Variants in GMDS observed in about 807,000 individuals in gnomAD.
The protein encoded by GMDS is GDP-mannose 4,6-dehydratase, also known as GDP-mannose 4,6 dehydratase.
Under a neutral mutation model 49.9 loss-of-function variants are expected in GMDS, and 20 were observed. The ratio of observed to expected loss-of-function variants is 0.40; its 90% CI spans 0.28 to 0.58. The LOEUF (loss-of-function observed/expected upper bound fraction) is 0.58, where lower values mean the gene tolerates loss of function less well. GMDS is among the 20% of genes least tolerant of loss of function. The probability of loss-of-function intolerance (pLI) is 0.42; values close to 1 mark genes in which losing one functional copy is unlikely to be tolerated. For missense variants in GMDS, 362 were observed against 481.4 expected (o/e 0.75, Z 2.32); for synonymous variants, 177 against 178.6 (o/e 0.99, Z 0.07).
At chr6:1,713,375 TG>T (rs1460529493) in intron 9 of GMDS, among the ~76,000 whole-genome samples, 1 of 152,248 alleles carries the variant, frequency 6.6e-6, no homozygotes, top group Non-Finnish European at 1.5e-5. Flanking sequence ...GCACAGGCCC[TG>T]GCTGCTCCTG....
intron 1 of GMDS, among the ~76,000 whole-genome samples, chr6:2,229,549 G>A (rs985008170): frequency 1.6e-4 from 24 of 152,072 alleles, no homozygotes; most frequent in Non-Finnish European, 1.3e-4. Context: ...TCACGCCACT[G>A]TACTCCAGCC....
intron 4 of GMDS, among the ~76,000 whole-genome samples, chr6:2,048,553 A>G (rs938549352): frequency 1.3e-5 from 2 of 152,206 alleles, no homozygotes; most frequent in African/African-American, 2.4e-5. Flanking sequence ...TTTGTAATCA[A>G]CTTATCAATT....
chr6:2,178,016 T>A (rs925697967), intron 1 of GMDS, among the ~76,000 whole-genome samples: 3 of 152,204 alleles, frequency 2.0e-5, no homozygotes, highest in Admixed American at 6.5e-5. Context: ...GCCATTATCC[T>A]AAGCAAACTA....
chr6:2,192,368 G>A lies in GMDS; in HGVS notation c.102+52953C>T, dbSNP rs114891249. The stretch of plus-strand genomic sequence containing the variant: ...CCTTGCTCACCCTCCACTTGTCTGC[G>A]TACCTCAGTCTTCCTGGTCACAAGA... On this transcript the variant is annotated intron_variant, in intron 1 of 10. Transcript: ENST00000380815. Among the ~76,000 whole-genome samples, 1,112 of 152,056 alleles carry A rather than the reference G, an allele frequency of 7.3e-3. 14 individuals carry two copies. Among genetic ancestry groups the A allele is most frequent in the African/African-American group, 0.023 (965 of 41,530 alleles).
At chr6:1,915,720 C>CCT in intron 7 of GMDS, among the ~76,000 whole-genome samples, 1 of 152,142 alleles carries the variant, frequency 6.6e-6, no homozygotes, top group Non-Finnish European at 1.5e-5. Flanking sequence ...ACTCAGCAAG[C>CCT]CTCTCTCTCT....
chr6:1,750,167 A>T (rs1767663837), intron 7 of GMDS, among the ~76,000 whole-genome samples: 1 of 152,184 alleles, frequency 6.6e-6, no homozygotes. Flanking sequence ...GTCCAATTTC[A>T]TTGTTATAAT....
intron 1 of GMDS, among the ~76,000 whole-genome samples, chr6:2,203,149 A>G (rs1779627321): frequency 6.6e-6 from 1 of 152,206 alleles, no homozygotes; most frequent in African/African-American, 2.4e-5. Flanking sequence ...TGTCCAATTA[A>G]TAAAAGGCCG....
chr6:2,111,600 G>A (rs769183624), intron 4 of GMDS, among the ~76,000 whole-genome samples: 3 of 152,078 alleles, frequency 2.0e-5, no homozygotes, highest in Non-Finnish European at 2.9e-5. Flanking sequence ...AAGTGAGAGC[G>A]GTAGGAGACT....
At chr6:1,862,907 C>T (rs1335467005) in intron 7 of GMDS, among the ~76,000 whole-genome samples, 1 of 152,098 alleles carries the variant, frequency 6.6e-6, no homozygotes, top group Non-Finnish European at 1.5e-5. Flanking sequence ...ATAAAACATA[C>T]AACTTATACA....
chr6:1,793,513 A>C (rs1243225298), intron 7 of GMDS, among the ~76,000 whole-genome samples: 2 of 152,170 alleles, frequency 1.3e-5, no homozygotes, highest in African/African-American at 4.8e-5. Context: ...GGACTTGATG[A>C]GTCTGCTTTT....
intron 7 of GMDS, among the ~76,000 whole-genome samples, chr6:1,915,515 A>AGG (rs1761335161): frequency 6.6e-6 from 1 of 152,260 alleles, no homozygotes; most frequent in Non-Finnish European, 1.5e-5. Context: ...GCCCTGCCCA[A>AGG]GGCCGAGAAT....
chr6:1,671,608 G>A (rs1438171813), intron 9 of GMDS, among the ~76,000 whole-genome samples: 6 of 151,512 alleles, frequency 4.0e-5, no homozygotes, highest in African/African-American at 1.5e-4. Flanking sequence ...CCCTAAGTAT[G>A]TATAAGATAT....
At chr6:1,995,157 C>T (rs549027564) in intron 4 of GMDS, among the ~76,000 whole-genome samples, 1 of 152,256 alleles carries the variant, frequency 6.6e-6, no homozygotes, top group African/African-American at 2.4e-5. Context: ...AACTGAGGGG[C>T]CACCATGGCA....
intron 9 of GMDS, among the ~76,000 whole-genome samples, chr6:1,697,549 C>G (rs112865988): frequency 1.1e-4 from 17 of 152,338 alleles, no homozygotes; most frequent in African/African-American, 3.6e-4. Flanking sequence ...CGCGCTGCAG[C>G]CTCATGTTCT....
chr6:2,220,989 G>T (rs1780559293), intron 1 of GMDS, among the ~76,000 whole-genome samples: 1 of 152,082 alleles, frequency 6.6e-6, no homozygotes, highest in African/African-American at 2.4e-5. Context: ...CCAGCGTGGG[G>T]AATACAGCAA....
At chr6:1,672,941 C>T (rs911419133) in intron 9 of GMDS, among the ~76,000 whole-genome samples, 1 of 152,176 alleles carries the variant, frequency 6.6e-6, no homozygotes, top group Non-Finnish European at 1.5e-5. Context: ...TAATTGCTGG[C>T]TGTGCACTCC....
chr6:1,989,755 T>C (rs1765811396), intron 4 of GMDS, among the ~76,000 whole-genome samples: 1 of 152,228 alleles, frequency 6.6e-6, no homozygotes. Context: ...ATCACACTCC[T>C]GGCTAGCTGC....
intron 9 of GMDS, among the ~76,000 whole-genome samples, chr6:1,665,363 A>G (rs893836279): frequency 1.3e-5 from 2 of 152,212 alleles, no homozygotes; most frequent in Non-Finnish European, 2.9e-5. Context: ...CAAAAGTGAC[A>G]ATGAAATATA....
intron 4 of GMDS, among the ~76,000 whole-genome samples, chr6:1,970,272 A>T (rs1435158212): frequency 1.3e-5 from 2 of 152,244 alleles, no homozygotes; most frequent in Non-Finnish European, 1.5e-5. Context: ...TGCACTGTTT[A>T]CTGCTTCTCT....
Sources: allele counts gnomAD v4.1 joint callset (sites outside exome capture counted in the v4.1 genomes callset), GRCh38; gene constraint gnomAD v4.1.1; transcripts MANE v1.5; gene names NCBI Gene and HGNC (gene_info 2026-07-23, HGNC 2026-07-21).